The following AGBL1 variants were observed in gnomAD, a reference collection of about 807,000 sequenced individuals.
AGBL1 encodes the protein cytosolic carboxypeptidase 4.
AGBL1 carries 130 observed loss-of-function variants against 118.9 expected under a neutral mutation model. That is an observed-to-expected ratio of 1.09 (90% CI 0.95 to 1.26). The LOEUF is 1.26. Ranked by LOEUF, AGBL1 falls within the 50% of genes most tolerant of loss-of-function variation. The pLI is 0.00. For synonymous variants in AGBL1, 555 were observed against 478.9 expected, an observed-to-expected ratio of 1.16 and a Z score of -2.08; for missense variants, 1,584 against 1,298.1, an observed-to-expected ratio of 1.22 and a Z score of -3.38.
At chr15:86,803,883 T>C (rs893623730) in intron 22 of AGBL1, among the ~76,000 whole-genome samples, 15 of 152,122 alleles carry the variant, frequency 9.9e-5, no homozygotes, top group Non-Finnish European at 2.9e-5. Flanking sequence ...CTGCTGAAGA[T>C]CCTACAATTC....
At chr15:86,386,952 G>A (rs887757677) in intron 17 of AGBL1, among the ~76,000 whole-genome samples, 1 of 152,162 alleles carries the variant, frequency 6.6e-6, no homozygotes, top group African/African-American at 2.4e-5. Flanking sequence ...AACTGGGCAT[G>A]GAGGAGTTAA....
At chr15:86,772,164 A>G (rs1006550954) in intron 22 of AGBL1, among the ~76,000 whole-genome samples, 2 of 151,894 alleles carry the variant, frequency 1.3e-5, no homozygotes, top group African/African-American at 4.8e-5. Flanking sequence ...CCTCTCCTCT[A>G]TTATTAGTCT....
chr15:86,781,073 T>C (rs963923215), intron 22 of AGBL1, among the ~76,000 whole-genome samples: 8 of 152,232 alleles, frequency 5.3e-5, no homozygotes, highest in African/African-American at 1.9e-4. Context: ...TTATTGTAAA[T>C]AGCACCCTTT....
At chr15:86,317,612 C>G (rs936218821) in intron 17 of AGBL1, among the ~76,000 whole-genome samples, 1 of 152,146 alleles carries the variant, frequency 6.6e-6, no homozygotes, top group Non-Finnish European at 1.5e-5. Flanking sequence ...AAGTCACAGA[C>G]TAGCTTTGGG....
Position 86,128,341 on chromosome 15 carries a change from A to T in AGBL1, c.52-13663A>T, listed in dbSNP as rs371455860. On this transcript the variant is annotated intron_variant, in intron 1 of 22. Transcript: ENST00000614907. ...CCACAAGAACAGTATGGGGGAAACCACCCCCATGATTCAATGATCTCCACC... is the reference window on the plus strand; with the variant it reads ...CCACAAGAACAGTATGGGGGAAACCTCCCCCATGATTCAATGATCTCCACC... Among the ~76,000 whole-genome samples the T allele has an allele frequency of 1.2e-4, 19 of 152,016 alleles. No individual in the cohort carries two copies. The East Asian group carries it at 1.9e-3, about 15-fold the overall frequency.
intron 5 of AGBL1, among the ~76,000 whole-genome samples, chr15:86,165,989 C>T (rs1322953490): frequency 1.3e-5 from 2 of 152,056 alleles, no homozygotes; most frequent in Non-Finnish European, 2.9e-5. Context: ...TCTTAAGAAG[C>T]CACTGAGCTC....
intron 16 of AGBL1, among the ~76,000 whole-genome samples, chr15:86,285,309 A>T (rs1314429648): frequency 2.0e-5 from 3 of 152,120 alleles, no homozygotes; most frequent in Admixed American, 6.5e-5. Context: ...AGATGGATCC[A>T]TGAAAAATTG....
At chr15:86,320,771 C>T (rs1021084512) in intron 17 of AGBL1, among the ~76,000 whole-genome samples, 1 of 151,508 alleles carries the variant, frequency 6.6e-6, no homozygotes, top group African/African-American at 2.4e-5. Flanking sequence ...AAGGATGTGT[C>T]TTTCTATTCC....
At chr15:86,665,615 T>C (rs1450982432) in intron 21 of AGBL1, among the ~76,000 whole-genome samples, 1 of 152,196 alleles carries the variant, frequency 6.6e-6, no homozygotes, top group Non-Finnish European at 1.5e-5. Context: ...ATTTTATATA[T>C]CTAATCATTA....
At chr15:86,878,298 A>C (rs543896570) in intron 22 of AGBL1, among the ~76,000 whole-genome samples, 1 of 152,196 alleles carries the variant, frequency 6.6e-6, no homozygotes, top group East Asian at 1.9e-4. Context: ...GCTATCATTC[A>C]ACTCTGCCCT....
At chr15:86,820,362 A>G (rs1362293739) in intron 22 of AGBL1, among the ~76,000 whole-genome samples, 1 of 152,246 alleles carries the variant, frequency 6.6e-6, no homozygotes, top group Non-Finnish European at 1.5e-5. Flanking sequence ...GGCAACCTAC[A>G]GAATGGGAGA....
At chr15:87,014,387 A>G (rs192470955) in intron 24 of AGBL1, among the ~76,000 whole-genome samples, 77 of 152,352 alleles carry the variant, frequency 5.1e-4, no homozygotes, top group African/African-American at 1.8e-3. Flanking sequence ...GGAAGGGCAG[A>G]GGACTTTATC....
chr15:86,522,866 C>T lies in AGBL1; in HGVS notation c.2612C>T (p.Ala871Val), dbSNP rs766198404. 6 of 1,613,916 alleles carry T rather than the reference C, an allele frequency of 3.7e-6. No individual in the cohort carries two copies. Among genetic ancestry groups the T allele is most frequent in the Non-Finnish European group, 8.5e-7 (1 of 1,179,804 alleles). ...AACAGACAATGGCTTTCTCCCAGTGCTCATCTGCAGCCAACCATTTACCAT... is the reference window on the plus strand; with the variant it reads ...AACAGACAATGGCTTTCTCCCAGTGTTCATCTGCAGCCAACCATTTACCAT... ...DLNRQWLSPS[A>V]HLQPTIYHAK... Residue 871 changes from alanine (A) to valine (V), a missense_variant, in exon 19 of 23, where the codon GCT becomes GTT. Ala to Val is a moderately conservative substitution (Grantham distance 64). Transcript: ENST00000614907.
chr15:86,386,318 A>T (rs928201107), intron 17 of AGBL1, among the ~76,000 whole-genome samples: 3 of 124,836 alleles, frequency 2.4e-5, no homozygotes, highest in Non-Finnish European at 5.0e-5. Flanking sequence ...TTATTAAGAG[A>T]GTAAAGGAAT....
intron 18 of AGBL1, among the ~76,000 whole-genome samples, chr15:86,485,876 C>T (rs77539466): frequency 0.011 from 1,601 of 152,174 alleles, 31 homozygotes; most frequent in African/African-American, 0.036. Flanking sequence ...ACTTTGAAAT[C>T]ACACCCAAAG....
intron 21 of AGBL1, among the ~76,000 whole-genome samples, chr15:86,657,070 C>A (rs1169886958): frequency 6.6e-6 from 1 of 152,160 alleles, no homozygotes; most frequent in African/African-American, 2.4e-5. Context: ...CTCATGTTAA[C>A]TGTTGCTGCT....
chr15:86,405,028 T>G (rs918992765), intron 18 of AGBL1, among the ~76,000 whole-genome samples: 3 of 152,194 alleles, frequency 2.0e-5, no homozygotes, highest in African/African-American at 7.2e-5. Flanking sequence ...CCGTAGGTCA[T>G]AGAGGAATGA....
At chr15:86,117,159 C>T (rs1433123961) in intron 1 of AGBL1, among the ~76,000 whole-genome samples, 8 of 151,996 alleles carry the variant, frequency 5.3e-5, no homozygotes, top group African/African-American at 7.3e-5. Context: ...TGGGGGTCCA[C>T]ACTCATGGCT....
intron 18 of AGBL1, among the ~76,000 whole-genome samples, chr15:86,424,866 C>A (rs1014312492): frequency 6.6e-6 from 1 of 152,202 alleles, no homozygotes; most frequent in African/African-American, 2.4e-5. Flanking sequence ...GTTAGACTGG[C>A]GATCTTTAAA....
Sources: allele counts gnomAD v4.1 joint callset (sites outside exome capture counted in the v4.1 genomes callset), GRCh38; gene constraint gnomAD v4.1.1; transcripts MANE v1.5; gene names NCBI Gene and HGNC (gene_info 2026-07-23, HGNC 2026-07-21).